Variants in SLC16A1 observed in about 807,000 individuals in gnomAD.
The protein encoded by SLC16A1 is solute carrier family 16 member 1.
In SLC16A1, 11 loss-of-function variants were observed where a neutral mutation model predicts 32.2. The observed-to-expected ratio is 0.34, with a 90% CI of 0.21 to 0.56. The LOEUF (loss-of-function observed/expected upper bound fraction) is 0.56, where lower values mean the gene tolerates loss of function less well. Among genes scored for constraint, SLC16A1 ranks in the 20% least tolerant of loss-of-function variants. The pLI, the probability that SLC16A1 is intolerant of heterozygous loss-of-function variation, is 0.87. For synonymous variants in SLC16A1, 231 were observed against 226.8 expected, an observed-to-expected ratio of 1.02 and a Z score of -0.17; for missense variants, 435 against 615.0, an observed-to-expected ratio of 0.71 and a Z score of 3.10.
At chr1:112,918,455 T>A (rs2101622579) in intron 3 of SLC16A1, among the ~76,000 whole-genome samples, 1 of 152,312 alleles carries the variant, frequency 6.6e-6, no homozygotes, top group Admixed American at 6.5e-5. Context: ...AGGATTATTA[T>A]AACCATATAA....
chr1:112,922,020 G>T lies in SLC16A1; in HGVS notation c.331C>A (p.Gln111Lys). The T allele has an allele frequency of 6.2e-7, 1 of 1,614,174 alleles. No individual in the cohort carries two copies. The highest frequency in any genetic ancestry group is 8.5e-7 in the Non-Finnish European group (1 of 1,180,020). The change falls in exon 3 of 5, where the codon CAA becomes AAA. Residue 111 changes from glutamine (Q) to lysine (K), a missense_variant. Gln to Lys is a moderately conservative substitution (Grantham distance 53). This residue lies in a region of SLC16A1 where 324 missense variants were observed against 500.3 expected (regional missense o/e 0.65). Coordinates refer to ENST00000369626, the MANE Select transcript of SLC16A1 (RefSeq NM_003051.4). ...IAASFCNTVQ[Q>K]LYVCIGVIGG... ...ATGACTCCAATACAGACGTATAGTTGCTGTACGGTGTTACAGAAAGAAGCT... is the reference window on the plus strand; with the variant it reads ...ATGACTCCAATACAGACGTATAGTTTCTGTACGGTGTTACAGAAAGAAGCT...
At chr1:112,941,799 T>A (rs1196096676) in intron 1 of SLC16A1, among the ~76,000 whole-genome samples, 1 of 152,164 alleles carries the variant, frequency 6.6e-6, no homozygotes, top group East Asian at 1.9e-4. Flanking sequence ...ATATAGCATG[T>A]GCTAAATTTG....
At chr1:112,921,950 CCATAAA>C (rs1380106120) in intron 3 of SLC16A1, 34 bp downstream of exon 3, 1 of 1,611,338 alleles carries the variant, frequency 6.2e-7, no homozygotes, top group East Asian at 2.2e-5. Context: ...AAATAGCCAG[CCATAAA>C]CTAATGCTTC....
chr1:112,932,712 T>C (rs1278229458), intron 1 of SLC16A1, among the ~76,000 whole-genome samples: 4 of 141,792 alleles, frequency 2.8e-5, no homozygotes, highest in Middle Eastern at 7.9e-3. Context: ...GAGAATCGCT[T>C]GAACCCAGGA....
chr1:112,914,248 C>A, intron 4 of SLC16A1, 83 bp from the exon 5 acceptor site: 1 of 1,451,962 alleles, frequency 6.9e-7, no homozygotes, highest in South Asian at 1.2e-5. Context: ...AGGATCCATT[C>A]AGAAAGATGT....
chr1:112,935,652 G>A (rs1020143526), intron 1 of SLC16A1, among the ~76,000 whole-genome samples: 2 of 152,148 alleles, frequency 1.3e-5, no homozygotes, highest in Non-Finnish European at 2.9e-5. Context: ...ATGACTAAGG[G>A]TTAATGACTA....
intron 1 of SLC16A1, among the ~76,000 whole-genome samples, chr1:112,932,454 G>C (rs547602376): frequency 6.6e-6 from 1 of 151,818 alleles, no homozygotes; most frequent in Non-Finnish European, 1.5e-5. Flanking sequence ...GATCACTTGA[G>C]CCCAGGAATT....
In SLC16A1 at chr1:112,922,132, A is replaced by C. The variant is rs763729511; in HGVS notation, c.219T>G (p.Gly73=). Reference sequence around the variant, plus strand: ...TATTCACCAGGATACTGCTGATAGGACCTAAAAGACAACCAAAAATGTAGT... The same window carrying C: ...TATTCACCAGGATACTGCTGATAGGCCCTAAAAGACAACCAAAAATGTAGT... ...SIMLAVMYGG[G]PISSILVNKY... The change falls in exon 3 of 5, where the codon GGT becomes GGG. Residue 73 remains glycine, a splice_region_variant and synonymous_variant. Coordinates refer to ENST00000369626, the MANE Select transcript of SLC16A1 (RefSeq NM_003051.4). 6.2e-7 allele frequency: 1 copy of C among 1,614,034 alleles called. No homozygotes were observed. The highest frequency in any genetic ancestry group is 8.5e-7 in the Non-Finnish European group (1 of 1,180,018).
chr1:112,929,555 T>A (rs1360216309), intron 1 of SLC16A1, among the ~76,000 whole-genome samples: 1 of 151,758 alleles, frequency 6.6e-6, no homozygotes, highest in Non-Finnish European at 1.5e-5. Context: ...AGAAAATTTT[T>A]AAAAAATTAG....
intron 1 of SLC16A1, among the ~76,000 whole-genome samples, chr1:112,934,641 CA>C: frequency 6.6e-6 from 1 of 152,198 alleles, no homozygotes; most frequent in South Asian, 2.1e-4. Context: ...AGAGGGCAGG[CA>C]AACTTCTTTG....
intron 1 of SLC16A1, among the ~76,000 whole-genome samples, chr1:112,931,928 T>C (rs759182257): frequency 4.6e-5 from 7 of 152,160 alleles, no homozygotes; most frequent in Non-Finnish European, 8.8e-5. Context: ...ACTCAGACTA[T>C]ATTACAGCAA....
At chr1:112,941,776 T>G (rs1456079105) in intron 1 of SLC16A1, among the ~76,000 whole-genome samples, 1 of 152,190 alleles carries the variant, frequency 6.6e-6, no homozygotes, top group Non-Finnish European at 1.5e-5. Context: ...AAGCCCTGTT[T>G]TGTTTCAAGT....
rs560075543 is a variant in SLC16A1 at position 112,923,503 on chromosome 1, C to G, written c.218-1370G>C. ...CGCGCCTTCCTGGAGCACGGCCACA[C>G]CAAGATAGACACGGCCTTCGTGTAC... On this transcript the variant is annotated intron_variant, in intron 2 of 4. Coordinates refer to ENST00000369626, the MANE Select transcript of SLC16A1 (RefSeq NM_003051.4). 7.3e-6 allele frequency: 7 copies of G among 962,246 alleles called. No homozygotes were observed. The Admixed American group carries it at 1.2e-4, about 17-fold the overall frequency. The allele number at this position is 962,246 out of a possible 1,614,324, so 59.6% of individuals were successfully genotyped here. A position where few individuals can be genotyped will look rare whatever the true frequency, so the allele number is the denominator to read the frequency against.
intron 2 of SLC16A1, chr1:112,923,603 C>G: frequency 7.1e-7 from 1 of 1,398,660 alleles, no homozygotes; most frequent in Non-Finnish European, 1.0e-6. Context: ...TTGGGAACTC[C>G]CTGAAACCTG....
intron 1 of SLC16A1, among the ~76,000 whole-genome samples, chr1:112,948,473 TA>T (rs1463080031): frequency 3.3e-5 from 5 of 152,148 alleles, no homozygotes; most frequent in South Asian, 2.1e-4. Flanking sequence ...ATATACAATA[TA>T]TTTTTTTTTA....
intron 1 of SLC16A1, among the ~76,000 whole-genome samples, chr1:112,933,898 A>G (rs1411080533): frequency 6.6e-6 from 1 of 152,236 alleles, no homozygotes; most frequent in African/African-American, 2.4e-5. Flanking sequence ...TATATAAAAA[A>G]TTCTCTAGCA....
intron 2 of SLC16A1, among the ~76,000 whole-genome samples, chr1:112,927,303 G>A (rs897687504): frequency 3.2e-4 from 49 of 151,404 alleles, no homozygotes; most frequent in African/African-American, 1.2e-3. Flanking sequence ...AAAAAAAAAG[G>A]AAAAACAAAT....
At chr1:112,941,141 C>T (rs1229452256) in intron 1 of SLC16A1, among the ~76,000 whole-genome samples, 4 of 151,992 alleles carry the variant, frequency 2.6e-5, no homozygotes, top group Non-Finnish European at 5.9e-5. Flanking sequence ...TACCATCATG[C>T]AATATACCTT....
At chr1:112,921,393 A>G (rs538854137) in intron 3 of SLC16A1, among the ~76,000 whole-genome samples, 26 of 152,298 alleles carry the variant, frequency 1.7e-4, no homozygotes, top group Non-Finnish European at 2.6e-4. Context: ...GAATATATTC[A>G]TGTTCACAAA....
Sources: gnomAD v4.1 joint callset for allele counts (sites outside exome capture counted in the v4.1 genomes callset) on GRCh38, gnomAD v4.1.1 for gene constraint, gnomAD v4.1.1 regional missense constraint, MANE v1.5 for transcripts, NCBI Gene and HGNC (gene_info 2026-07-23, HGNC 2026-07-21) for gene names.